The following AK3 variants were observed in gnomAD, a reference collection of about 807,000 sequenced individuals.
The protein encoded by AK3 is adenylate kinase 3, also known as GTP:AMP phosphotransferase AK3, mitochondrial.
Under a neutral mutation model 23.7 loss-of-function variants are expected in AK3, and 27 were observed. The ratio of observed to expected loss-of-function variants is 1.14; its 90% confidence interval spans 0.84 to 1.57. The LOEUF is 1.57. Among genes scored for constraint, AK3 ranks in the 40% most tolerant of loss-of-function variants. The probability of loss-of-function intolerance (pLI) is 0.00; values close to 1 mark genes in which losing one functional copy is unlikely to be tolerated. For missense variants in AK3, 406 were observed against 285.6 expected, an observed-to-expected ratio of 1.42 and a Z score of -3.04; for synonymous variants, 159 against 116.0, an observed-to-expected ratio of 1.37 and a Z score of -2.38.
At chr9:4,730,090 G>A (rs188632796) in intron 1 of AK3, among the ~76,000 whole-genome samples, 239 of 152,236 alleles carry the variant, frequency 1.6e-3, no homozygotes, top group Non-Finnish European at 2.8e-3. Context: ...ACTATATATC[G>A]TATGATTCCA....
intron 1 of AK3, 95 bp from the exon 2 acceptor site, chr9:4,722,720 G>A (rs1841933412): frequency 2.0e-6 from 3 of 1,524,602 alleles, no homozygotes; most frequent in South Asian, 2.4e-5. Flanking sequence ...AGTCTGAATG[G>A]CATACTCATC....
intron 3 of AK3, 44 bp from the exon 4 acceptor site, chr9:4,718,581 G>T: frequency 1.4e-6 from 2 of 1,403,220 alleles, no homozygotes; most frequent in Non-Finnish European, 2.0e-6. Context: ...TCATATTTCT[G>T]AAAGATATTT....
At chr9:4,729,654 C>T (rs1456867763) in intron 1 of AK3, among the ~76,000 whole-genome samples, 2 of 151,962 alleles carry the variant, frequency 1.3e-5, no homozygotes, top group South Asian at 4.2e-4. Flanking sequence ...GGCAACACAG[C>T]AAGATCCTAC....
intron 1 of AK3, among the ~76,000 whole-genome samples, chr9:4,729,016 T>TATATATATATATA (rs1554627058): frequency 3.5e-5 from 2 of 57,264 alleles, no homozygotes; most frequent in East Asian, 1.2e-3. Flanking sequence ...TATATATATA[T>TATATATATATATA]TTTTTTTTTT....
Position 4,741,102 on chromosome 9 carries a change from G to T in AK3, c.-15C>A, listed in dbSNP as rs1039904205. On this transcript the variant is annotated 5_prime_UTR_variant, in exon 1 of 5. Transcript: ENST00000381809. ...GACGCCCCCATGGCCGCAGACTGAG[G>T]CCCGCACCGCGCGGGTACCAGGGCT... 6.6e-7 allele frequency: 1 copy of T among 1,505,014 alleles called. No individual in the cohort carries two copies. The highest frequency in any genetic ancestry group is 2.1e-4 in the Middle Eastern group (1 of 4,736). The allele number at this position is 1,505,014 out of a possible 1,614,324, so 93.2% of individuals were successfully genotyped here.
chr9:4,728,860 T>TACACAC (rs1473100751), intron 1 of AK3, among the ~76,000 whole-genome samples: 41 of 73,058 alleles, frequency 5.6e-4, no homozygotes, highest in Non-Finnish European at 6.7e-4. Flanking sequence ...TATATATATA[T>TACACAC]ATATATACAC....
At chr9:4,726,096 A>C (rs1412523444) in intron 1 of AK3, among the ~76,000 whole-genome samples, 2 of 152,220 alleles carry the variant, frequency 1.3e-5, no homozygotes, top group African/African-American at 2.4e-5. Context: ...AATTTAAAAT[A>C]GTTTTATTGC....
chr9:4,717,748 A>C (rs2130876838), intron 4 of AK3, among the ~76,000 whole-genome samples: 1 of 152,376 alleles, frequency 6.6e-6, no homozygotes, highest in South Asian at 2.1e-4. Flanking sequence ...GCTTTGTGTT[A>C]GATGATTTCG....
intron 1 of AK3, among the ~76,000 whole-genome samples, chr9:4,725,528 G>A (rs1842003965): frequency 6.6e-6 from 1 of 151,956 alleles, no homozygotes; most frequent in Admixed American, 6.6e-5. Flanking sequence ...CAGCACTTTG[G>A]GAGGCTGAGG....
intron 3 of AK3, 93 bp from the exon 4 acceptor site, chr9:4,718,630 T>TGCAA (rs557128135): frequency 5.4e-4 from 526 of 979,480 alleles, no homozygotes; most frequent in Non-Finnish European, 7.0e-4. Context: ...GACATCTCTG[T>TGCAA]GCAAGTGCCA....
intron 3 of AK3, 88 bp from the exon 4 acceptor site, chr9:4,718,625 C>G: frequency 7.5e-6 from 8 of 1,062,794 alleles, no homozygotes; most frequent in East Asian, 2.5e-5. Context: ...AAACAGACAT[C>G]TCTGTGCAAG....
At chr9:4,726,906 T>G (rs1842034026) in intron 1 of AK3, among the ~76,000 whole-genome samples, 2 of 152,218 alleles carry the variant, frequency 1.3e-5, no homozygotes, top group Non-Finnish European at 2.9e-5. Context: ...GGCTACAGAA[T>G]GGATGTTGTG....
At chr9:4,736,762 C>G (rs546801923) in intron 1 of AK3, among the ~76,000 whole-genome samples, 12 of 151,818 alleles carry the variant, frequency 7.9e-5, no homozygotes, top group Admixed American at 2.6e-4. Flanking sequence ...ACTGCAGCCT[C>G]GAACTCCTGA....
chr9:4,741,522 G>C (rs1227461063), upstream of AK3, among the ~76,000 whole-genome samples: 1 of 145,910 alleles, frequency 6.9e-6, no homozygotes, highest in Admixed American at 6.8e-5. Flanking sequence ...CCGCGACCCC[G>C]GAACCCCGCG....
chr9:4,735,512 G>C (rs1587659521), intron 1 of AK3, among the ~76,000 whole-genome samples: 2 of 126,436 alleles, frequency 1.6e-5, no homozygotes, highest in South Asian at 4.5e-4. Flanking sequence ...GAGTCTCACT[G>C]TGTTGCCCAG....
At chr9:4,728,986 T>TACAC (rs775316557) in intron 1 of AK3, among the ~76,000 whole-genome samples, 21,031 of 82,652 alleles carry the variant, frequency 0.25, 2,244 homozygotes, top group East Asian at 0.49. Flanking sequence ...TACATATATA[T>TACAC]ACACACACAC....
At chr9:4,725,602 CTT>C (rs1842006255) in intron 1 of AK3, among the ~76,000 whole-genome samples, 1 of 151,726 alleles carries the variant, frequency 6.6e-6, no homozygotes, top group South Asian at 2.1e-4. Context: ...AACCCCATCT[CTT>C]AAAAAAGAAA....
chr9:4,739,595 C>CAG (rs1842375807), intron 1 of AK3, among the ~76,000 whole-genome samples: 1 of 151,774 alleles, frequency 6.6e-6, no homozygotes, highest in Non-Finnish European at 1.5e-5. Context: ...CACACTAGTG[C>CAG]AGAGTATATA....
intron 3 of AK3, 95 bp downstream of exon 3, chr9:4,719,040 G>C (rs1321182165): frequency 2.8e-5 from 37 of 1,341,570 alleles, no homozygotes; most frequent in Non-Finnish European, 3.6e-5. Flanking sequence ...AGGAGTTTTG[G>C]TCAGAGGATT....
Sources: allele counts gnomAD v4.1 joint callset (sites outside exome capture counted in the v4.1 genomes callset), GRCh38; gene constraint gnomAD v4.1.1; transcripts MANE v1.5; gene names NCBI Gene and HGNC (gene_info 2026-07-23, HGNC 2026-07-21).